JAKMIP3: variants seen among roughly 807,000 people sequenced by gnomAD.
JAKMIP3 encodes the protein Janus kinase and microtubule interacting protein 3.
A neutral mutation model predicts 118.5 loss-of-function variants in JAKMIP3; 58 were observed. That is an observed-to-expected ratio of 0.49 (90% CI 0.40 to 0.61). The LOEUF (loss-of-function observed/expected upper bound fraction) is 0.61. JAKMIP3 is among the 20% of genes least tolerant of loss of function. The probability of loss-of-function intolerance (pLI) is 0.00; values close to 1 mark genes in which losing one functional copy is unlikely to be tolerated. For missense variants in JAKMIP3, 950 were observed against 1,109.0 expected, an observed-to-expected ratio of 0.86 and a Z score of 2.04; for synonymous variants, 486 against 451.2, an observed-to-expected ratio of 1.08 and a Z score of -0.98.
At chr10:132,103,462 G>A (rs12569456) in intron 1 of JAKMIP3, among the ~76,000 whole-genome samples, 1 of 94,342 alleles carries the variant, frequency 1.1e-5, no homozygotes, top group Non-Finnish European at 2.2e-5. Flanking sequence ...GCTGGGGGGG[G>A]GAGGAGCAGC....
At chr10:132,180,616 CGTGTGTGTGCGTGTGTGCGTGCGTGTGT>C (rs2060880540) in intron 23 of JAKMIP3, among the ~76,000 whole-genome samples, 2 of 14,610 alleles carry the variant, frequency 1.4e-4, no homozygotes, top group African/African-American at 7.8e-4. Flanking sequence ...TGTGTGTGTG[CGTGTGTGTGCGTGTGTGCGTGCGTGTGT>C]GCGTGTGCGT....
At chr10:132,054,148 G>A (rs2038171718) in intron 1 of JAKMIP3, among the ~76,000 whole-genome samples, 1 of 152,064 alleles carries the variant, frequency 6.6e-6, no homozygotes, top group Non-Finnish European at 1.5e-5. Flanking sequence ...TGGACCAGGG[G>A]AACTTTGCAT....
At chr10:132,111,601 A>G (rs2046889120) in intron 2 of JAKMIP3, among the ~76,000 whole-genome samples, 1 of 151,604 alleles carries the variant, frequency 6.6e-6, no homozygotes, top group Non-Finnish European at 1.5e-5. Flanking sequence ...TGGAGGGAGA[A>G]AGGGGGTTAC....
At chr10:132,055,155 T>A (rs1209596615) in intron 1 of JAKMIP3, among the ~76,000 whole-genome samples, 1 of 152,176 alleles carries the variant, frequency 6.6e-6, no homozygotes. Context: ...GTTGGACTCT[T>A]AACTGGGAGG....
chr10:132,150,179 G>A, intron 16 of JAKMIP3, 138 bp downstream of exon 16: 1 of 650,420 alleles, frequency 1.5e-6, no homozygotes, highest in Non-Finnish European at 2.7e-6. Context: ...ACTAGGCCCA[G>A]AGCCTGCTCA....
chr10:132,036,367 C>T (rs1053913134), upstream of JAKMIP3, among the ~76,000 whole-genome samples: 1 of 152,240 alleles, frequency 6.6e-6, no homozygotes, highest in African/African-American at 2.4e-5. Context: ...GCGTGCAGCT[C>T]CCCCGTGCTG....
At chr10:132,041,789 A>T (rs1445718628) in intron 1 of JAKMIP3, among the ~76,000 whole-genome samples, 2 of 152,146 alleles carry the variant, frequency 1.3e-5, no homozygotes, top group African/African-American at 2.4e-5. Flanking sequence ...TCTGCCTGGG[A>T]TCCCACCTCA....
chr10:132,164,351 C>T (rs2058678885), intron 20 of JAKMIP3, among the ~76,000 whole-genome samples: 1 of 152,264 alleles, frequency 6.6e-6, no homozygotes, highest in Non-Finnish European at 1.5e-5. Context: ...GCCCCTTACT[C>T]CGCTGCGGTG....
chr10:132,048,192 T>G (rs567088392), intron 1 of JAKMIP3, among the ~76,000 whole-genome samples: 2 of 152,232 alleles, frequency 1.3e-5, no homozygotes, highest in Non-Finnish European at 2.9e-5. Context: ...GTCTGCTGGT[T>G]TCTCCTCGGG....
intron 1 of JAKMIP3, among the ~76,000 whole-genome samples, chr10:132,082,178 GGGC>G (rs1045520203): frequency 1.4e-5 from 2 of 146,966 alleles, no homozygotes; most frequent in Non-Finnish European, 3.0e-5. Flanking sequence ...TTGGGGGGGG[GGGC>G]TGAATTTTTT....
chr10:132,165,459 C>T (rs1000753977), intron 21 of JAKMIP3, among the ~76,000 whole-genome samples: 1 of 152,186 alleles, frequency 6.6e-6, no homozygotes, highest in Admixed American at 6.5e-5. Flanking sequence ...ACCCCCAGCT[C>T]AGAGTGAGAC....
Position 132,104,951 on chromosome 10 carries a change from C to T in JAKMIP3, c.135+8C>T, listed in dbSNP as rs1171906884. On this transcript the variant is annotated splice_region_variant and intron_variant, in intron 2 of 23. Transcript: ENST00000684848. The stretch of plus-strand genomic sequence containing the variant: ...CAGCAGGAGAAGAGCAAGGTGGGCG[C>T]TCCCCAGACCTCCACCCTTGAATGT... 6.3e-7 allele frequency: 1 copy of T among 1,583,000 alleles called. No homozygotes were observed. The highest frequency in any genetic ancestry group is 1.3e-5 in the African/African-American group (1 of 74,284).
At position 132,182,788 on chromosome 10, in the gene JAKMIP3, C is replaced by G. The variant is rs747942357; in HGVS notation, c.*1535C>G. On this transcript the variant is annotated 3_prime_UTR_variant, in exon 24 of 24. Coordinates refer to ENST00000684848, the MANE Select transcript of JAKMIP3 (RefSeq NM_001323087.2). The stretch of plus-strand genomic sequence containing the variant: ...TATTTGTGTCAGAAGAAATGTCTGA[C>G]TTTGGGGCAGATGACACGGTGGCTG... The G allele has an allele frequency of 1.3e-5, 2 of 152,174 alleles. No homozygotes were observed. 9.4% of individuals were successfully genotyped at this position (152,174 alleles called of 1,614,324 possible). A position where few individuals can be genotyped will look rare whatever the true frequency, so the allele number is the denominator to read the frequency against.
intron 3 of JAKMIP3, among the ~76,000 whole-genome samples, chr10:132,130,554 C>T (rs977458054): frequency 1.3e-5 from 2 of 152,222 alleles, no homozygotes; most frequent in African/African-American, 4.8e-5. Context: ...CCTGCACAGG[C>T]CCAGTGTTTG....
intron 2 of JAKMIP3, among the ~76,000 whole-genome samples, chr10:132,116,408 C>T (rs927527498): frequency 1.4e-5 from 2 of 147,474 alleles, no homozygotes; most frequent in East Asian, 4.1e-4. Context: ...CCCGAATACA[C>T]ATTCAGGTGT....
chr10:132,119,448 G>T (rs2048210918), intron 3 of JAKMIP3, among the ~76,000 whole-genome samples: 1 of 152,116 alleles, frequency 6.6e-6, no homozygotes, highest in Non-Finnish European at 1.5e-5. Context: ...GTTTCGTCTT[G>T]CATACTTATG....
chr10:132,180,684 T>TGTGC lies in JAKMIP3; in HGVS notation c.*1104-1670_*1104-1669insCGTG, dbSNP rs1554963194. ...GTGTGTGCGTGTGTGTGCGCGCGCG[T>TGTGC]GTGTGTGCGTGCGTGTGTGTGTGCG... On this transcript the variant is annotated intron_variant, in intron 23 of 23. Transcript: ENST00000684848. Among the ~76,000 whole-genome samples, 15 of 16,822 alleles carry TGTGC rather than the reference T, an allele frequency of 8.9e-4. 1 individual carries two copies. The East Asian group carries it at 0.027, about 31-fold the overall frequency. 11.0% of individuals were successfully genotyped at this position (16,822 alleles called of 152,430 possible). A position where few individuals can be genotyped will look rare whatever the true frequency, so the allele number is the denominator to read the frequency against.
intron 1 of JAKMIP3, among the ~76,000 whole-genome samples, chr10:132,077,833 A>T (rs1442671392): frequency 2.0e-5 from 3 of 151,296 alleles, no homozygotes; most frequent in Non-Finnish European, 4.4e-5. Flanking sequence ...TATTTTTGAG[A>T]TGGAGTCTCA....
chr10:132,050,887 C>T (rs2038079764), intron 1 of JAKMIP3, among the ~76,000 whole-genome samples: 1 of 152,186 alleles, frequency 6.6e-6, no homozygotes, highest in East Asian at 1.9e-4. Flanking sequence ...TGAGTGGGTA[C>T]CTGCCTGTCT....
Sources: gnomAD v4.1 joint callset for allele counts (sites outside exome capture counted in the v4.1 genomes callset) on GRCh38, gnomAD v4.1.1 for gene constraint, MANE v1.5 for transcripts, NCBI Gene and HGNC (gene_info 2026-07-23, HGNC 2026-07-21) for gene names.